LCLAT1: variants seen among roughly 807,000 people sequenced by gnomAD.
LCLAT1 encodes 1-AGP acyltransferase 8.
LCLAT1 carries 11 observed loss-of-function variants against 30.7 expected under a neutral mutation model. The observed-to-expected ratio is 0.36, with a 90% CI of 0.23 to 0.59. LCLAT1 has a LOEUF of 0.59. Ranked by LOEUF, LCLAT1 falls within the 20% of genes least tolerant of loss-of-function variation. The pLI is 0.77. For synonymous variants in LCLAT1, 155 were observed against 151.3 expected (o/e 1.02, Z -0.18); for missense variants, 402 against 458.6 (o/e 0.88, Z 1.13).
intron 4 of LCLAT1, among the ~76,000 whole-genome samples, chr2:30,565,519 A>G (rs1171172342): frequency 2.0e-5 from 3 of 152,226 alleles, no homozygotes; most frequent in Non-Finnish European, 4.4e-5. Context: ...GTTGACATAT[A>G]AAATTAGCCA....
intron 1 of LCLAT1, among the ~76,000 whole-genome samples, chr2:30,514,704 C>G (rs1337803301): frequency 6.6e-6 from 1 of 152,112 alleles, no homozygotes; most frequent in East Asian, 1.9e-4. Flanking sequence ...GATCCTCTGG[C>G]TGTTGAGTGT....
intron 5 of LCLAT1, among the ~76,000 whole-genome samples, chr2:30,637,200 G>A (rs981402832): frequency 1.3e-5 from 2 of 152,072 alleles, no homozygotes; most frequent in Admixed American, 6.5e-5. Context: ...TGTGGTTGGC[G>A]GGCAGAAATG....
chr2:30,572,238 G>A (rs1239606154), intron 5 of LCLAT1, among the ~76,000 whole-genome samples: 3 of 152,088 alleles, frequency 2.0e-5, no homozygotes, highest in African/African-American at 7.2e-5. Context: ...ATCTTCTTGT[G>A]TTTAGTGAAA....
At chr2:30,472,718 AT>A (rs941763316) in intron 1 of LCLAT1, among the ~76,000 whole-genome samples, 21 of 152,234 alleles carry the variant, frequency 1.4e-4, no homozygotes, top group African/African-American at 4.6e-4. Context: ...TCAGGAGGTG[AT>A]TACCTTTCCA....
Position 30,643,707 on chromosome 2 carries a change from C to A in LCLAT1, c.*3088C>A, listed in dbSNP as rs538293358. 4 of 152,616 alleles carry A rather than the reference C, an allele frequency of 2.6e-5. No homozygotes were observed. The highest frequency in any genetic ancestry group is 5.9e-5 in the Non-Finnish European group (4 of 68,036). 9.5% of individuals were successfully genotyped at this position (152,616 alleles called of 1,614,324 possible). ...ACAATAAAGACTCCAACGGAGGGAG[C>A]CTGTTGGTGTTAAATTGTTTACATT... is the stretch of plus-strand genomic sequence containing the variant. On this transcript the variant is annotated 3_prime_UTR_variant, in exon 6 of 6. Coordinates refer to ENST00000379509, the MANE Select transcript of LCLAT1 (RefSeq NM_001002257.3).
rs139314632 is a variant in LCLAT1, at chr2:30,475,468, A to G, written c.-5+28085A>G. The stretch of plus-strand genomic sequence containing the variant: ...ATTGCATACAATTATTGGAGGCTAT[A>G]TAATGGGGTTGGAAAGAGTCCCAGC... On this transcript the variant is annotated intron_variant, in intron 1 of 5. Coordinates refer to ENST00000379509, the MANE Select transcript of LCLAT1 (RefSeq NM_001002257.3). Among the ~76,000 whole-genome samples the G allele has an allele frequency of 1.7e-3, 253 of 152,334 alleles. 1 individual carries two copies. The highest frequency in any genetic ancestry group is 2.9e-3 in the Non-Finnish European group (195 of 68,026).
intron 5 of LCLAT1, among the ~76,000 whole-genome samples, chr2:30,573,344 CT>C (rs1390468316): frequency 6.6e-6 from 1 of 152,186 alleles, no homozygotes; most frequent in African/African-American, 2.4e-5. Flanking sequence ...CTGGTCTTGA[CT>C]TAACCAGTCC....
chr2:30,490,120 C>T (rs1258414217), intron 1 of LCLAT1, among the ~76,000 whole-genome samples: 1 of 151,814 alleles, frequency 6.6e-6, no homozygotes, highest in Non-Finnish European at 1.5e-5. Flanking sequence ...TTGGAAATTT[C>T]ACAGTTATTA....
intron 1 of LCLAT1, among the ~76,000 whole-genome samples, chr2:30,449,173 T>A (rs138893456): frequency 6.6e-6 from 1 of 152,368 alleles, no homozygotes; most frequent in East Asian, 1.9e-4. Flanking sequence ...TCTTACTGTC[T>A]TACTACCACC....
intron 5 of LCLAT1, chr2:30,606,247 C>A: frequency 3.1e-6 from 1 of 319,230 alleles, no homozygotes; most frequent in South Asian, 2.4e-5. Flanking sequence ...TCTTAAAATT[C>A]ATATGGAACC....
At chr2:30,479,091 AT>A (rs1383017277) in intron 1 of LCLAT1, among the ~76,000 whole-genome samples, 2 of 152,250 alleles carry the variant, frequency 1.3e-5, no homozygotes. Context: ...ATTTTGGGAT[AT>A]TTATACAGTG....
intron 1 of LCLAT1, among the ~76,000 whole-genome samples, chr2:30,483,813 G>A: frequency 6.6e-6 from 1 of 152,060 alleles, no homozygotes; most frequent in East Asian, 1.9e-4. Context: ...TTATTCTCAA[G>A]CCTTAAATTT....
intron 3 of LCLAT1, among the ~76,000 whole-genome samples, chr2:30,544,108 C>A (rs1335163054): frequency 6.6e-6 from 1 of 152,040 alleles, no homozygotes; most frequent in Non-Finnish European, 1.5e-5. Flanking sequence ...TGCCTTTAGC[C>A]CGAGACTGAA....
Position 30,550,532 on chromosome 2 carries a change from T to G in LCLAT1, c.365-11614T>G, listed in dbSNP as rs1204075089. On this transcript the variant is annotated intron_variant, in intron 3 of 5. Coordinates refer to ENST00000379509, the MANE Select transcript of LCLAT1 (RefSeq NM_001002257.3). ...CCTCAGTTTGGGTTTGTCTGATGTT[T>G]TCTTGTGATTAGACTAGAGCTGTAG... is the stretch of plus-strand genomic sequence containing the variant. Among the ~76,000 whole-genome samples the G allele has an allele frequency of 5.9e-5, 9 of 152,304 alleles. No individual in the cohort carries two copies. In the East Asian group the frequency reaches 1.7e-3, roughly 29 times the overall value.
At chr2:30,521,492 CTTTTTTTTTT>C (rs869093721) in intron 1 of LCLAT1, among the ~76,000 whole-genome samples, 4 of 16,822 alleles carry the variant, frequency 2.4e-4, no homozygotes, top group Non-Finnish European at 4.5e-4. Flanking sequence ...ACTACTTCTT[CTTTTTTTTTT>C]TTTTTTTTTT....
chr2:30,627,711 A>C (rs981774866), intron 5 of LCLAT1, among the ~76,000 whole-genome samples: 3 of 152,120 alleles, frequency 2.0e-5, no homozygotes, highest in African/African-American at 4.8e-5. Context: ...TTTTAACTAC[A>C]AAGACTGGTT....
intron 5 of LCLAT1, among the ~76,000 whole-genome samples, chr2:30,584,542 G>A (rs1572657431): frequency 6.6e-6 from 1 of 152,170 alleles, no homozygotes; most frequent in South Asian, 2.1e-4. Flanking sequence ...GCTTGATGGT[G>A]TATGGCCACA....
chr2:30,530,243 A>G (rs1023714201), intron 2 of LCLAT1, among the ~76,000 whole-genome samples: 2 of 152,240 alleles, frequency 1.3e-5, no homozygotes, highest in African/African-American at 4.8e-5. Flanking sequence ...TAAAATAAAC[A>G]TGAGAAATGT....
At chr2:30,583,222 G>C (rs1047543266) in intron 5 of LCLAT1, among the ~76,000 whole-genome samples, 16 of 152,184 alleles carry the variant, frequency 1.1e-4, no homozygotes, top group South Asian at 2.1e-4. Flanking sequence ...TTTGCAATTT[G>C]AGGAGCTAAA....
Sources: gnomAD v4.1 joint callset for allele counts (sites outside exome capture counted in the v4.1 genomes callset) on GRCh38, gnomAD v4.1.1 for gene constraint, MANE v1.5 for transcripts, NCBI Gene and HGNC (gene_info 2026-07-23, HGNC 2026-07-21) for gene names.